Variants in ATXN8OS observed in about 807,000 individuals in gnomAD.
The protein encoded by ATXN8OS is ATXN8 opposite strand (non-protein coding).
Position 70,132,222 on chromosome 13 carries a change from GT to G in ATXN8OS, n.499+2339del, listed in dbSNP as rs1488793944. Among the ~76,000 whole-genome samples, 11 of 151,892 alleles carry G rather than the reference GT, an allele frequency of 7.2e-5. No individual in the cohort carries two copies. In the East Asian group the frequency reaches 2.1e-3, roughly 29 times the overall value. On this transcript the variant is annotated intron_variant and non_coding_transcript_variant, in intron 3 of 4. Coordinates refer to ENST00000678624, the Ensembl canonical transcript of ATXN8OS. ...GCAAAGACATGGAATCAACCTAAGTGTCCTTCAGTGGGGGGACTAAATAAAG... is the reference window on the plus strand; with the variant it reads ...GCAAAGACATGGAATCAACCTAAGTGCCTTCAGTGGGGGGACTAAATAAAG...
intron 1 of ATXN8OS, among the ~76,000 whole-genome samples, chr13:70,114,593 G>A (rs928272638): frequency 2.7e-4 from 41 of 151,868 alleles, no homozygotes; most frequent in African/African-American, 9.4e-4. Flanking sequence ...TAGATTCCCA[G>A]ATTAAACATA....
intron 4 of ATXN8OS, among the ~76,000 whole-genome samples, chr13:70,168,875 T>A (rs1326147708): frequency 6.6e-6 from 1 of 152,156 alleles, no homozygotes; most frequent in African/African-American, 2.4e-5. Context: ...TATTTGTTAG[T>A]ATGGATTTAT....
At chr13:70,168,334 T>G (rs75122597) in intron 4 of ATXN8OS, among the ~76,000 whole-genome samples, 12,603 of 152,124 alleles carry the variant, frequency 0.083, 673 homozygotes, top group Non-Finnish European at 0.099. Context: ...ATCTATCACC[T>G]GGAGCATTTA....
intron 4 of ATXN8OS, among the ~76,000 whole-genome samples, chr13:70,153,887 A>C (rs1888904941): frequency 6.6e-6 from 1 of 151,970 alleles, no homozygotes; most frequent in Non-Finnish European, 1.5e-5. Flanking sequence ...CGGTTTTGCC[A>C]TGTTGCCCAA....
intron 3 of ATXN8OS, chr13:70,139,332 C>A: frequency 1.6e-6 from 1 of 631,970 alleles, no homozygotes; most frequent in Non-Finnish European, 2.7e-6. Flanking sequence ...CTGGGTCCTT[C>A]ATGTTAGAAA....
chr13:70,119,915 CA>C (rs5804477), intron 2 of ATXN8OS, among the ~76,000 whole-genome samples: 44 of 150,970 alleles, frequency 2.9e-4, no homozygotes, highest in Middle Eastern at 3.4e-3. Context: ...AAATATTTCA[CA>C]AAAAAAAATG....
At chr13:70,116,735 A>C (rs1888284873) in intron 2 of ATXN8OS, among the ~76,000 whole-genome samples, 1 of 152,166 alleles carries the variant, frequency 6.6e-6, no homozygotes, top group African/African-American at 2.4e-5. Context: ...AAACAGAAGA[A>C]AGCAAGGTAG....
At chr13:70,116,863 A>G (rs1203005274) in intron 2 of ATXN8OS, among the ~76,000 whole-genome samples, 1 of 152,052 alleles carries the variant, frequency 6.6e-6, no homozygotes, top group Non-Finnish European at 1.5e-5. Flanking sequence ...CCTAAAGTTC[A>G]TGGTCTTTTT....
chr13:70,165,333 G>C (rs1889065354), intron 4 of ATXN8OS, among the ~76,000 whole-genome samples: 1 of 151,706 alleles, frequency 6.6e-6, no homozygotes, highest in South Asian at 2.1e-4. Context: ...AAATGAAAGA[G>C]ACAAGAGCAT....
chr13:70,115,176 G>T (rs756257987), exon 2 of ATXN8OS: 91 of 398,314 alleles, frequency 2.3e-4, no homozygotes, highest in Non-Finnish European at 3.5e-4. Context: ...CAATGCACGA[G>T]AATTTGGTCT....
intron 1 of ATXN8OS, among the ~76,000 whole-genome samples, chr13:70,110,787 A>G (rs1210715459): frequency 1.3e-5 from 2 of 152,140 alleles, no homozygotes; most frequent in East Asian, 3.9e-4. Flanking sequence ...AATATGAAGG[A>G]ATTGGTCCCA....
intron 4 of ATXN8OS, among the ~76,000 whole-genome samples, chr13:70,167,861 G>A (rs1889096956): frequency 1.4e-5 from 2 of 148,052 alleles, no homozygotes; most frequent in South Asian, 2.2e-4. Flanking sequence ...TCAGCCTCCC[G>A]TGTAGCTTGG....
At chr13:70,158,108 A>C (rs1888959070) in intron 4 of ATXN8OS, among the ~76,000 whole-genome samples, 2 of 152,312 alleles carry the variant, frequency 1.3e-5, no homozygotes, top group African/African-American at 4.8e-5. Context: ...AGATAGGCTT[A>C]TTCCACACTT....
chr13:70,110,144 T>C (rs944702415), intron 1 of ATXN8OS, among the ~76,000 whole-genome samples: 5 of 152,222 alleles, frequency 3.3e-5, no homozygotes, highest in African/African-American at 1.2e-4. Flanking sequence ...CATTAATTTG[T>C]GGTATAAAGG....
intron 2 of ATXN8OS, among the ~76,000 whole-genome samples, chr13:70,129,598 G>A (rs549519997): frequency 2.0e-5 from 3 of 152,052 alleles, no homozygotes; most frequent in Admixed American, 6.6e-5. Flanking sequence ...AGTCCTTTAC[G>A]TGAACCTATA....
At chr13:70,150,157 G>C (rs1213448181) in intron 4 of ATXN8OS, among the ~76,000 whole-genome samples, 1 of 152,046 alleles carries the variant, frequency 6.6e-6, no homozygotes, top group Non-Finnish European at 1.5e-5. Flanking sequence ...ATTCTTGCCA[G>C]CCTTCCTATC....
At chr13:70,161,099 A>T (rs2137504861) in intron 4 of ATXN8OS, among the ~76,000 whole-genome samples, 1 of 151,864 alleles carries the variant, frequency 6.6e-6, no homozygotes, top group South Asian at 2.1e-4. Context: ...GGATTCTTCT[A>T]AAGTAAGCCA....
At chr13:70,113,589 T>G (rs1301888251) in intron 1 of ATXN8OS, among the ~76,000 whole-genome samples, 1 of 152,168 alleles carries the variant, frequency 6.6e-6, no homozygotes, top group African/African-American at 2.4e-5. Context: ...AGTAAGATTA[T>G]AGTTTATAAA....
intron 2 of ATXN8OS, among the ~76,000 whole-genome samples, chr13:70,118,657 T>C (rs374925080): frequency 2.6e-5 from 4 of 152,130 alleles, no homozygotes; most frequent in African/African-American, 7.2e-5. Context: ...TCTACACTTA[T>C]GTTATTTTTA....
Sources: gnomAD v4.1 joint callset for allele counts (sites outside exome capture counted in the v4.1 genomes callset) on GRCh38, gnomAD v4.1.1 for gene constraint, MANE v1.5 for transcripts, NCBI Gene and HGNC (gene_info 2026-07-23, HGNC 2026-07-21) for gene names.